The following CHRM3 variants were observed in gnomAD, a reference collection of about 807,000 sequenced individuals.
CHRM3 encodes the protein muscarinic acetylcholine receptor M3.
CHRM3 carries 11 observed loss-of-function variants against 41.8 expected under a neutral mutation model. The observed-to-expected ratio is 0.26, with a 90% CI of 0.17 to 0.44. CHRM3 has a LOEUF of 0.44. CHRM3 is among the 20% of genes least tolerant of loss of function. The probability of loss-of-function intolerance (pLI) is 1.00; values close to 1 mark genes in which losing one functional copy is unlikely to be tolerated. For missense variants in CHRM3, 571 were observed against 745.4 expected, an observed-to-expected ratio of 0.77 and a Z score of 2.72; for synonymous variants, 297 against 301.4, an observed-to-expected ratio of 0.99 and a Z score of 0.15.
At chr1:239,618,277 CTTTTTTT>C (rs61094722) in intron 3 of CHRM3, among the ~76,000 whole-genome samples, 6 of 120,660 alleles carry the variant, frequency 5.0e-5, no homozygotes, top group Admixed American at 9.6e-5. Context: ...TTTTTTCTTT[CTTTTTTT>C]TTTTTTTTTT....
intron 3 of CHRM3, among the ~76,000 whole-genome samples, chr1:239,568,982 T>A (rs1661598799): frequency 1.3e-5 from 2 of 152,100 alleles, no homozygotes; most frequent in African/African-American, 4.8e-5. Context: ...AGTTTTCTAG[T>A]TTGTTGTTAT....
chr1:239,468,334 C>A (rs1282636797), intron 1 of CHRM3, among the ~76,000 whole-genome samples: 1 of 152,104 alleles, frequency 6.6e-6, no homozygotes, highest in Non-Finnish European at 1.5e-5. Flanking sequence ...TCCTCATCTG[C>A]CTTTACTCTT....
chr1:239,883,656 G>A (rs556048980), intron 6 of CHRM3, among the ~76,000 whole-genome samples: 71 of 152,292 alleles, frequency 4.7e-4, no homozygotes, highest in African/African-American at 1.6e-3. Flanking sequence ...GGGCACAAAA[G>A]TAGTATGTGT....
In CHRM3 at chr1:239,572,447, A is replaced by G. The variant is rs139499412; in HGVS notation, c.-313+26698A>G. ...AATTTTTTGTTAGAATTGTGATATT[A>G]ATGAAGGTCATGTTGAATGAGATTT... On this transcript the variant is annotated intron_variant, in intron 3 of 6. Coordinates refer to ENST00000676153, the MANE Select transcript of CHRM3 (RefSeq NM_001375978.1). 2.5e-4 allele frequency among the ~76,000 whole-genome samples: 38 copies of G among 152,326 alleles called. No individual in the cohort carries two copies. In the East Asian group the frequency reaches 7.3e-3, roughly 29 times the overall value.
intron 5 of CHRM3, among the ~76,000 whole-genome samples, chr1:239,706,142 T>C (rs1558471746): frequency 6.7e-6 from 1 of 149,460 alleles, no homozygotes; most frequent in Non-Finnish European, 1.5e-5. Flanking sequence ...AACTAAATTA[T>C]AATAAATACA....
intron 1 of CHRM3, among the ~76,000 whole-genome samples, chr1:239,392,550 T>TGTCAGGC (rs1292342647): frequency 1.3e-5 from 2 of 152,162 alleles, no homozygotes; most frequent in African/African-American, 4.8e-5. Context: ...CGCCGACTAC[T>TGTCAGGC]GCTGTTCAGA....
chr1:239,509,314 T>A (rs541063731), intron 2 of CHRM3, among the ~76,000 whole-genome samples: 1 of 152,352 alleles, frequency 6.6e-6, no homozygotes, highest in South Asian at 2.1e-4. Flanking sequence ...TAATTACTGA[T>A]CTTCTTATAG....
chr1:239,434,303 C>G (rs1427928212), intron 1 of CHRM3, among the ~76,000 whole-genome samples: 3 of 152,194 alleles, frequency 2.0e-5, no homozygotes, highest in South Asian at 2.1e-4. Flanking sequence ...GACTCCATGT[C>G]TTTACATGTC....
intron 1 of CHRM3, among the ~76,000 whole-genome samples, chr1:239,455,551 G>A (rs772456207): frequency 1.3e-5 from 2 of 151,960 alleles, no homozygotes; most frequent in African/African-American, 4.8e-5. Flanking sequence ...CCTAAGTTAC[G>A]GTGTGTGTTT....
chr1:239,869,230 C>G (rs529021865), intron 6 of CHRM3, among the ~76,000 whole-genome samples: 1 of 152,070 alleles, frequency 6.6e-6, no homozygotes, highest in African/African-American at 2.4e-5. Context: ...CTAAAAGGAA[C>G]CATATGGTAC....
At chr1:239,538,700 G>T (rs1338912) in intron 2 of CHRM3, among the ~76,000 whole-genome samples, 6,082 of 152,142 alleles carry the variant, frequency 0.04, 422 homozygotes, top group African/African-American at 0.14. Flanking sequence ...CAGTACAACT[G>T]GTCTTTAAAG....
At chr1:239,747,582 C>T (rs1299894291) in intron 5 of CHRM3, among the ~76,000 whole-genome samples, 1 of 152,136 alleles carries the variant, frequency 6.6e-6, no homozygotes, top group Non-Finnish European at 1.5e-5. Flanking sequence ...CTATCAAATC[C>T]CTACCCTTCG....
intron 3 of CHRM3, among the ~76,000 whole-genome samples, chr1:239,572,282 A>G (rs750343620): frequency 2.0e-5 from 3 of 152,180 alleles, no homozygotes; most frequent in Non-Finnish European, 4.4e-5. Context: ...CCGTTGATAA[A>G]ACGGAGATGA....
chr1:239,399,637 C>T (rs147710651), intron 1 of CHRM3, among the ~76,000 whole-genome samples: 396 of 152,154 alleles, frequency 2.6e-3, no homozygotes, highest in Middle Eastern at 0.01. Context: ...CTTAACACAA[C>T]GTCCTCCAAG....
In CHRM3 at chr1:239,908,630, G is replaced by T; in HGVS notation, c.1179G>T (p.Glu393Asp). ...CATCGGACAACCTGCAGGTGCCTGA[G>T]GAGGAGCTGGGGATGGTGGACTTGG... is the stretch of plus-strand genomic sequence containing the variant. Reference protein sequence around the residue: ...LPSSDNLQVPEEELGMVDLER... With the variant: ...LPSSDNLQVPDEELGMVDLER... The change falls in exon 7 of 7, where the codon GAG becomes GAT. Residue 393 changes from glutamate to aspartate, a missense_variant. By Grantham distance (45) the Glu-to-Asp change is conservative (BLOSUM62 2). Transcript: ENST00000676153. The surrounding 1 kb of genome is among the most constrained non-coding windows in gnomAD (Gnocchi z 7.2). 1 of 1,611,078 alleles carries T rather than the reference G, an allele frequency of 6.2e-7. No individual in the cohort carries two copies. The highest frequency in any genetic ancestry group is 2.2e-5 in the East Asian group (1 of 44,728).
intron 4 of CHRM3, among the ~76,000 whole-genome samples, chr1:239,634,600 A>C (rs981066331): frequency 2.0e-5 from 3 of 152,080 alleles, no homozygotes; most frequent in Admixed American, 1.3e-4. Context: ...ATGGTCACCA[A>C]AACTCAGCTT....
chr1:239,548,081 CAT>C (rs2148423848), intron 3 of CHRM3, among the ~76,000 whole-genome samples: 1 of 152,168 alleles, frequency 6.6e-6, no homozygotes, highest in Admixed American at 6.5e-5. Flanking sequence ...CTTTCATAAT[CAT>C]GAGTTCTATA....
At chr1:239,662,467 ATGG>A (rs1363988007) in intron 4 of CHRM3, among the ~76,000 whole-genome samples, 2 of 152,162 alleles carry the variant, frequency 1.3e-5, no homozygotes, top group Non-Finnish European at 2.9e-5. Flanking sequence ...CTGATTTGGT[ATGG>A]TAGCACCCTA....
At chr1:239,455,973 G>A (rs1435886344) in intron 1 of CHRM3, among the ~76,000 whole-genome samples, 2 of 152,110 alleles carry the variant, frequency 1.3e-5, no homozygotes, top group Admixed American at 6.5e-5. Flanking sequence ...CGAGGAAATG[G>A]GAGGTCAGCC....
Sources: gnomAD v4.1 joint callset for allele counts (sites outside exome capture counted in the v4.1 genomes callset) on GRCh38, gnomAD v4.1.1 for gene constraint, Gnocchi (gnomAD v3.1) non-coding constraint, MANE v1.5 for transcripts, NCBI Gene and HGNC (gene_info 2026-07-23, HGNC 2026-07-21) for gene names.